The following ABAT variants were observed in gnomAD, a reference collection of about 807,000 sequenced individuals.
The protein encoded by ABAT is 4-aminobutyrate aminotransferase, mitochondrial.
Under a neutral mutation model 64.6 loss-of-function variants are expected in ABAT, and 45 were observed. The observed-to-expected ratio is 0.70, with a 90% confidence interval of 0.55 to 0.89. The LOEUF is 0.89. ABAT is among the 40% of genes least tolerant of loss of function. The pLI, the probability that ABAT is intolerant of heterozygous loss-of-function variation, is 0.00. For missense variants in ABAT, 633 were observed against 658.4 expected (o/e 0.96, Z 0.42); for synonymous variants, 297 against 250.5 (o/e 1.19, Z -1.75).
At chr16:8,724,501 G>A (rs143959265) in intron 1 of ABAT, among the ~76,000 whole-genome samples, 31 of 152,256 alleles carry the variant, frequency 2.0e-4, no homozygotes, top group African/African-American at 7.5e-4. Context: ...GGAGGCCAAG[G>A]TGGGAGGACT....
chr16:8,723,548 C>T (rs1397783362), intron 1 of ABAT, among the ~76,000 whole-genome samples: 8 of 152,110 alleles, frequency 5.3e-5, no homozygotes, highest in African/African-American at 1.7e-4. Flanking sequence ...CCATAGGGCT[C>T]TAGAATCAAT....
At chr16:8,750,283 A>G in intron 4 of ABAT, 139 bp from the exon 5 acceptor site, 1 of 781,260 alleles carries the variant, frequency 1.3e-6, no homozygotes, top group Non-Finnish European at 2.3e-6. Context: ...CAAGAAATAC[A>G]TTGCTGGCAC....
intron 6 of ABAT, among the ~76,000 whole-genome samples, chr16:8,759,342 C>T (rs538719261): frequency 3.3e-5 from 5 of 150,720 alleles, no homozygotes; most frequent in South Asian, 4.2e-4. Flanking sequence ...TATTTATGTC[C>T]GTGCTTTACA....
chr16:8,756,707 C>T (rs1387635197), intron 5 of ABAT, among the ~76,000 whole-genome samples: 7 of 152,216 alleles, frequency 4.6e-5, no homozygotes, highest in Non-Finnish European at 8.8e-5. Context: ...TCTCTCTCAC[C>T]CTTTTCTACA....
intron 1 of ABAT, among the ~76,000 whole-genome samples, chr16:8,720,025 C>T (rs138291318): frequency 1.3e-5 from 2 of 152,290 alleles, no homozygotes; most frequent in African/African-American, 4.8e-5. Flanking sequence ...TTTAGCCAGG[C>T]TGGTCTCGAA....
chr16:8,710,725 A>AGG lies in ABAT; in HGVS notation c.-41-24973_-41-24972insGG, dbSNP rs1567279240. ...GAGAGAGAGAGAGAGAGAGAGAGAG[A>AGG]GAGAGGAAATAGGCTCAGGAGCAAG... On this transcript the variant is annotated intron_variant, in intron 1 of 15. Transcript: ENST00000268251. 3.4e-3 allele frequency among the ~76,000 whole-genome samples: 465 copies of AGG among 136,962 alleles called. 10 individuals carry two copies. The highest frequency in any genetic ancestry group is 7.1e-3 in the African/African-American group (251 of 35,566). 89.9% of individuals were successfully genotyped at this position (136,962 alleles called of 152,430 possible).
chr16:8,702,059 C>T (rs1019998195), intron 1 of ABAT, among the ~76,000 whole-genome samples: 1 of 152,036 alleles, frequency 6.6e-6, no homozygotes, highest in African/African-American at 2.4e-5. Context: ...TCTCAAACTG[C>T]TATAAAGAAA....
chr16:8,675,943 A>G (rs2141877866), intron 1 of ABAT, among the ~76,000 whole-genome samples: 1 of 149,916 alleles, frequency 6.7e-6, no homozygotes, highest in East Asian at 2.0e-4. Flanking sequence ...GCCAAGAGAA[A>G]TGGGTGCTGC....
chr16:8,720,048 G>A (rs895398572), intron 1 of ABAT, among the ~76,000 whole-genome samples: 1 of 152,120 alleles, frequency 6.6e-6, no homozygotes, highest in African/African-American at 2.4e-5. Flanking sequence ...TTTGACCTCA[G>A]GTGATCTGCC....
At chr16:8,698,346 T>C (rs528909014) in intron 1 of ABAT, among the ~76,000 whole-genome samples, 2 of 152,124 alleles carry the variant, frequency 1.3e-5, no homozygotes, top group East Asian at 3.9e-4. Flanking sequence ...TTTTTTTTTT[T>C]CTTTGAGACG....
chr16:8,769,094 C>G (rs958955460), intron 11 of ABAT, 121 bp downstream of exon 11: 31 of 1,376,294 alleles, frequency 2.3e-5, no homozygotes, highest in Non-Finnish European at 3.0e-5. Context: ...AGTGCTCCCC[C>G]AGAGGGAAGC....
At chr16:8,760,602 C>T (rs140951687) in intron 6 of ABAT, among the ~76,000 whole-genome samples, 2 of 152,298 alleles carry the variant, frequency 1.3e-5, no homozygotes, top group South Asian at 2.1e-4. Context: ...CCACTGAGGC[C>T]GGAGGCTCCC....
At chr16:8,743,405 C>G (rs1228425048) in intron 2 of ABAT, among the ~76,000 whole-genome samples, 3 of 79,760 alleles carry the variant, frequency 3.8e-5, no homozygotes, top group African/African-American at 2.3e-4. Flanking sequence ...AGAGTCCCCT[C>G]TTGTGTAATG....
intron 1 of ABAT, among the ~76,000 whole-genome samples, chr16:8,700,358 C>T (rs557249893): frequency 6.6e-6 from 1 of 152,162 alleles, no homozygotes; most frequent in African/African-American, 2.4e-5. Flanking sequence ...GTGCACTAAA[C>T]TTACATACGC....
At chr16:8,773,115 C>T (rs2060163408) in intron 12 of ABAT, among the ~76,000 whole-genome samples, 198 bp downstream of exon 12, 1 of 121,356 alleles carries the variant, frequency 8.2e-6, no homozygotes, top group Non-Finnish European at 1.6e-5. Context: ...TACACACACA[C>T]ACACACACAC....
At chr16:8,718,067 G>A (rs1387489523) in intron 1 of ABAT, among the ~76,000 whole-genome samples, 1 of 152,178 alleles carries the variant, frequency 6.6e-6, no homozygotes, top group African/African-American at 2.4e-5. Context: ...TTGACAAGCT[G>A]TGTGACACAG....
chr16:8,769,441 C>A (rs1432966504), intron 11 of ABAT, among the ~76,000 whole-genome samples: 1 of 151,764 alleles, frequency 6.6e-6, no homozygotes. Flanking sequence ...TGCCTGTAAT[C>A]CCAGCTACTA....
At chr16:8,775,736 C>T (rs2060249183) in intron 13 of ABAT, among the ~76,000 whole-genome samples, 2 of 152,298 alleles carry the variant, frequency 1.3e-5, no homozygotes, top group South Asian at 4.1e-4. Flanking sequence ...AAAGTGGCCC[C>T]CTTCTTGTCT....
chr16:8,782,998 G>A lies in ABAT; in HGVS notation c.*1568G>A, dbSNP rs551465512. 1.3e-5 allele frequency: 2 copies of A among 152,004 alleles called. No homozygotes were observed. The highest frequency in any genetic ancestry group is 4.2e-4 in the South Asian group (2 of 4,814). The allele number at this position is 152,004 out of a possible 1,614,324, so 9.4% of individuals were successfully genotyped here. A position where few individuals can be genotyped will look rare whatever the true frequency, so the allele number is the denominator to read the frequency against. ...CATCGACCTATTTTTGTTGAAGAAT[G>A]AAAGGCAATGACAAGTTTAACATAT... On this transcript the variant is annotated 3_prime_UTR_variant, in exon 16 of 16. Transcript: ENST00000268251.
Sources: gnomAD v4.1 joint callset for allele counts (sites outside exome capture counted in the v4.1 genomes callset) on GRCh38, gnomAD v4.1.1 for gene constraint, MANE v1.5 for transcripts, NCBI Gene and HGNC (gene_info 2026-07-23, HGNC 2026-07-21) for gene names.